Variants in NRXN1 observed in about 807,000 individuals in gnomAD.
NRXN1 encodes neurexin 1.
In NRXN1, 39 loss-of-function variants were observed where a neutral mutation model predicts 150.9. The ratio of observed to expected loss-of-function variants is 0.26; its 90% CI spans 0.20 to 0.34. NRXN1 has a LOEUF of 0.34. Among genes scored for constraint, NRXN1 ranks in the 10% least tolerant of loss-of-function variants. NRXN1 has a pLI of 1.00. For synonymous variants in NRXN1, 924 were observed against 757.0 expected (o/e 1.22, Z -3.62); for missense variants, 1,815 against 1,949.9 (o/e 0.93, Z 1.30).
chr2:50,757,249 G>C (rs1235349272), intron 5 of NRXN1, among the ~76,000 whole-genome samples: 2 of 151,794 alleles, frequency 1.3e-5, no homozygotes, highest in African/African-American at 4.8e-5. Context: ...TATAGAACCA[G>C]TCAGTAAGAG....
chr2:50,119,898 T>G (rs62132539), intron 18 of NRXN1, among the ~76,000 whole-genome samples: 16,531 of 152,162 alleles, frequency 0.11, 1,049 homozygotes, highest in East Asian at 0.19. Context: ...TTCCCATAAG[T>G]ATTGTAAAAA....
At chr2:50,103,670 G>A (rs867580342) in intron 18 of NRXN1, among the ~76,000 whole-genome samples, 1 of 152,022 alleles carries the variant, frequency 6.6e-6, no homozygotes, top group African/African-American at 2.4e-5. Flanking sequence ...ACTCATGGAC[G>A]TTTTGAACTT....
chr2:50,657,060 C>T (rs545523167), intron 5 of NRXN1, among the ~76,000 whole-genome samples: 6 of 152,094 alleles, frequency 3.9e-5, no homozygotes, highest in African/African-American at 1.4e-4. Flanking sequence ...ATAACAACAA[C>T]TTGTGTGGTT....
intron 2 of NRXN1, among the ~76,000 whole-genome samples, chr2:50,928,096 A>G (rs1296494667): frequency 2.0e-5 from 3 of 151,946 alleles, no homozygotes; most frequent in Non-Finnish European, 4.4e-5. Flanking sequence ...CTTATTCATA[A>G]TGAGAACAAG....
intron 21 of NRXN1, among the ~76,000 whole-genome samples, chr2:49,985,929 C>T (rs1398896686): frequency 1.1e-4 from 17 of 152,184 alleles, no homozygotes; most frequent in Admixed American, 1.1e-3. Flanking sequence ...ATTTATGGTA[C>T]AGAATCACTT....
intron 17 of NRXN1, among the ~76,000 whole-genome samples, chr2:50,357,129 A>T (rs1288580997): frequency 2.6e-5 from 4 of 152,092 alleles, no homozygotes; most frequent in South Asian, 4.2e-4. Flanking sequence ...ATTTAAAAAA[A>T]TTTTGTAGAG....
At chr2:50,067,527 C>A (rs1036727215) in intron 19 of NRXN1, among the ~76,000 whole-genome samples, 4 of 152,096 alleles carry the variant, frequency 2.6e-5, no homozygotes, top group African/African-American at 7.2e-5. Flanking sequence ...AAACCAGCAG[C>A]AAGAAATGAA....
intron 19 of NRXN1, among the ~76,000 whole-genome samples, chr2:50,062,247 G>T (rs1694656646): frequency 6.6e-6 from 1 of 151,970 alleles, no homozygotes; most frequent in Non-Finnish European, 1.5e-5. Context: ...TAAAGCCTTT[G>T]GGAGCTGATT....
chr2:50,914,024 G>A (rs1212749880), intron 5 of NRXN1, among the ~76,000 whole-genome samples: 3 of 151,618 alleles, frequency 2.0e-5, no homozygotes, highest in Admixed American at 6.6e-5. Flanking sequence ...CTCTCTTTTC[G>A]AAAGGACAAG....
intron 5 of NRXN1, among the ~76,000 whole-genome samples, chr2:50,858,761 T>A (rs962709353): frequency 1.3e-5 from 2 of 152,146 alleles, no homozygotes; most frequent in African/African-American, 2.4e-5. Context: ...ATTAGGCTTG[T>A]AAATGTAATA....
At chr2:49,974,125 T>G in intron 21 of NRXN1, 1 of 715,536 alleles carries the variant, frequency 1.4e-6, no homozygotes, top group Admixed American at 2.0e-5. Flanking sequence ...CAGTGGGAGA[T>G]CAAGATGATA....
At chr2:50,115,146 A>ATT (rs537172320) in intron 18 of NRXN1, among the ~76,000 whole-genome samples, 98 of 144,402 alleles carry the variant, frequency 6.8e-4, no homozygotes, top group African/African-American at 2.4e-3. Context: ...ATTTCGCTCA[A>ATT]TTTTTTTTTT....
intron 5 of NRXN1, among the ~76,000 whole-genome samples, chr2:50,816,843 C>T (rs1034868281): frequency 1.3e-5 from 2 of 152,070 alleles, no homozygotes; most frequent in Non-Finnish European, 2.9e-5. Context: ...CAACAAAGTC[C>T]TTTCCTCCAA....
At chr2:50,728,503 C>T (rs1697676829) in intron 5 of NRXN1, among the ~76,000 whole-genome samples, 1 of 152,060 alleles carries the variant, frequency 6.6e-6, no homozygotes, top group Non-Finnish European at 1.5e-5. Flanking sequence ...GCTTGTTTTC[C>T]CTTCCATCTT....
At chr2:50,767,424 A>T (rs1559232738) in intron 5 of NRXN1, among the ~76,000 whole-genome samples, 1 of 151,996 alleles carries the variant, frequency 6.6e-6, no homozygotes, top group East Asian at 1.9e-4. Flanking sequence ...ATTTTGTGTG[A>T]TATTATATAT....
At chr2:51,012,127 C>T (rs1042635881) in intron 2 of NRXN1, among the ~76,000 whole-genome samples, 8 of 152,006 alleles carry the variant, frequency 5.3e-5, no homozygotes, top group Non-Finnish European at 7.4e-5. Context: ...TTGACCAAAA[C>T]GTTGTTTCAC....
chr2:50,551,112 GA>G (rs1667465105), intron 9 of NRXN1, among the ~76,000 whole-genome samples: 1 of 117,614 alleles, frequency 8.5e-6, no homozygotes, highest in Non-Finnish European at 1.7e-5. Context: ...GAGGGAGGGG[GA>G]GGGGGAGGGG....
chr2:50,071,433 C>T (rs984159333), intron 19 of NRXN1, among the ~76,000 whole-genome samples: 4 of 152,100 alleles, frequency 2.6e-5, no homozygotes, highest in East Asian at 1.9e-4. Context: ...GAGGCTGTTA[C>T]GGTGGATCCT....
chr2:50,749,715 G>A (rs1054261678), intron 5 of NRXN1, among the ~76,000 whole-genome samples: 4 of 152,040 alleles, frequency 2.6e-5, no homozygotes, highest in Admixed American at 2.6e-4. Flanking sequence ...GGAAGAATTA[G>A]TAGGCAGAAT....
Sources: gnomAD v4.1 joint callset for allele counts (sites outside exome capture counted in the v4.1 genomes callset) on GRCh38, gnomAD v4.1.1 for gene constraint, MANE v1.5 for transcripts, NCBI Gene and HGNC (gene_info 2026-07-23, HGNC 2026-07-21) for gene names.